Variants in HSPG2 observed in about 807,000 individuals in gnomAD.
HSPG2 encodes the protein heparan sulfate proteoglycan 2.
HSPG2 carries 278 observed loss-of-function variants against 526.6 expected under a neutral mutation model. That is an observed-to-expected ratio of 0.53 (90% confidence interval 0.48 to 0.58). The LOEUF (loss-of-function observed/expected upper bound fraction) is 0.58, where lower values mean the gene tolerates loss of function less well. Ranked by LOEUF, HSPG2 falls within the 20% of genes least tolerant of loss-of-function variation. HSPG2 has a pLI of 0.00. For missense variants in HSPG2, 5,354 were observed against 6,099.5 expected (o/e 0.88, Z 4.07); for synonymous variants, 2,465 against 2,555.4 (o/e 0.96, Z 1.07).
chr1:21,870,847 C>A, intron 33 of HSPG2: 2 of 986,212 alleles, frequency 2.0e-6, no homozygotes, highest in East Asian at 1.1e-4. Flanking sequence ...GTGAGCCCGG[C>A]GCATCCGCGC....
intron 14 of HSPG2, 98 bp downstream of exon 14, chr1:21,881,241 C>G: frequency 1.4e-6 from 2 of 1,430,150 alleles, no homozygotes; most frequent in Non-Finnish European, 2.0e-6. Context: ...ATGGTAACAC[C>G]TTTCCCTCCA....
Position 21,859,948 on chromosome 1 carries a change from T to C in HSPG2, c.5069A>G (p.Gln1690Arg). The C allele has an allele frequency of 1.9e-6, 3 of 1,610,726 alleles. No individual in the cohort carries two copies. Among genetic ancestry groups the C allele is most frequent in the Non-Finnish European group, 1.7e-6 (2 of 1,179,436 alleles). ...EVHPARSIVP[Q>R]GGSHSLRCQV... Reference sequence around the variant, plus strand: ...ACACCGCAGGGAGTGGGAGCCACCTTGGGGCACTATGCTTCGAGCAGGATG... The same window carrying C: ...ACACCGCAGGGAGTGGGAGCCACCTCGGGGCACTATGCTTCGAGCAGGATG... The change falls in exon 41 of 97, where the codon CAA (glutamine) becomes CGA (arginine). Residue 1690 changes from glutamine (Q) to arginine (R), a missense_variant. Transcript: ENST00000374695. This position sits in a 1 kb window ranked among gnomAD's most constrained non-coding sequence, Gnocchi z 5.3.
intron 45 of HSPG2, 44 bp from the exon 46 acceptor site, chr1:21,855,719 A>T (rs1193678806): frequency 6.3e-7 from 1 of 1,598,098 alleles, no homozygotes; most frequent in Admixed American, 1.7e-5. Flanking sequence ...GCCTGCTCAG[A>T]GTCCTGCCCC....
chr1:21,836,388 C>A (rs2098026300), intron 75 of HSPG2, among the ~76,000 whole-genome samples: 1 of 152,212 alleles, frequency 6.6e-6, no homozygotes, highest in African/African-American at 2.4e-5. Flanking sequence ...ATGGTGCGAT[C>A]TTGGCTCACT....
chr1:21,830,784 G>A (rs2097999945), intron 85 of HSPG2, 198 bp downstream of exon 85: 1 of 599,730 alleles, frequency 1.7e-6, no homozygotes, highest in African/African-American at 1.8e-5. Context: ...GGCTGGAGGA[G>A]GGGAAGCAGC....
At chr1:21,871,559 G>A (rs1250087130) in intron 33 of HSPG2, among the ~76,000 whole-genome samples, 2 of 152,180 alleles carry the variant, frequency 1.3e-5, no homozygotes, top group African/African-American at 2.4e-5. Context: ...CTGGCCTTTG[G>A]CAGAGCATTT....
At chr1:21,930,232 G>A (rs6697265) in intron 1 of HSPG2, among the ~76,000 whole-genome samples, 62 of 152,100 alleles carry the variant, frequency 4.1e-4, no homozygotes, top group African/African-American at 1.4e-3. Context: ...TGATATCTGC[G>A]AGGCTCACCC....
chr1:21,841,637 G>A lies in HSPG2; in HGVS notation c.9230C>T (p.Thr3077Ile). The A allele has an allele frequency of 2.5e-6, 4 of 1,614,174 alleles. No individual in the cohort carries two copies. Among genetic ancestry groups the A allele is most frequent in the Non-Finnish European group, 3.4e-6 (4 of 1,180,024 alleles). Residue 3077 changes from threonine (T) to isoleucine (I), a missense_variant, in exon 70 of 97, where the codon ACC (threonine) becomes ATC (isoleucine). Transcript: ENST00000374695. ...GTTGCTGGGCCGGGTGCCCACGATG[G>A]TGATGATGGAGCCATTGGGACTGAT... ...VHISPNGSII[T>I]IVGTRPSNHG...
rs2097991770 is a variant in HSPG2 at position 21,829,368 on chromosome 1, G to C, written c.11992+15C>G. ...CTTGGTGTGCAGAGCCCCGCATTTG[G>C]TGCTGGGTGCTTACCTGACCCCAAC... On this transcript the variant is annotated intron_variant, in intron 87 of 96. Transcript: ENST00000374695. 2.5e-6 allele frequency: 4 copies of C among 1,611,554 alleles called. No homozygotes were observed. Among genetic ancestry groups the C allele is most frequent in the Non-Finnish European group, 3.4e-6 (4 of 1,178,410 alleles).
rs1642050081 is a variant in HSPG2 at position 21,887,864 on chromosome 1, C to T, written c.703+74G>A. On this transcript the variant is annotated intron_variant, in intron 7 of 96. Coordinates refer to ENST00000374695, the MANE Select transcript of HSPG2 (RefSeq NM_005529.7). The surrounding 1 kb of genome is among the most constrained non-coding windows in gnomAD (Gnocchi z 5.0). ...CCAAACCCTCATAGTCCTTGATGGG[C>T]TCCAAGACCCAGGTGTAGGACCCTG... 4.4e-6 allele frequency: 7 copies of T among 1,608,108 alleles called. No homozygotes were observed. In the South Asian group the frequency reaches 7.7e-5, roughly 18 times the overall value.
chr1:21,932,448 C>G (rs554771519), intron 1 of HSPG2, among the ~76,000 whole-genome samples: 1 of 152,146 alleles, frequency 6.6e-6, no homozygotes, highest in Non-Finnish European at 1.5e-5. Flanking sequence ...TTAAAACATT[C>G]GACAAAGATA....
At position 21,875,897 on chromosome 1, in the gene HSPG2, C is replaced by T. The variant is rs141501390; in HGVS notation, c.3149G>A (p.Gly1050Asp). 2 of 1,614,122 alleles carry T rather than the reference C, an allele frequency of 1.2e-6. No homozygotes were observed. Among genetic ancestry groups the T allele is most frequent in the Non-Finnish European group, 1.7e-6 (2 of 1,180,044 alleles). Residue 1050 changes from glycine to aspartate, a missense_variant, in exon 24 of 97, where the codon GGC becomes GAC. By Grantham distance (94) the Gly-to-Asp change is moderately conservative. Coordinates refer to ENST00000374695, the MANE Select transcript of HSPG2 (RefSeq NM_005529.7). Reference protein sequence around the residue: ...EHHVAQEPSPGQPSTFIVPFR... With the variant: ...EHHVAQEPSPDQPSTFIVPFR... ...AGGCACAATGAAGGTGCTGGGCTGG[C>T]CGGGGCTGGGCTCCTGGGCCACATG... is the stretch of plus-strand genomic sequence containing the variant.
At chr1:21,877,740 C>T (rs530539969) in intron 21 of HSPG2, among the ~76,000 whole-genome samples, 2 of 152,194 alleles carry the variant, frequency 1.3e-5, no homozygotes, top group South Asian at 4.2e-4. Flanking sequence ...TCAAGTGATC[C>T]ACCCACCTCA....
chr1:21,835,033 G>C, intron 76 of HSPG2, 88 bp from the exon 77 acceptor site: 2 of 1,429,618 alleles, frequency 1.4e-6, no homozygotes, highest in Non-Finnish European at 1.9e-6. Context: ...GGAAAGGTGA[G>C]CACTGAAGCT....
In HSPG2 at chr1:21,839,327, T is replaced by A; in HGVS notation, c.9889+44A>T. ...GTGGGGTGGAGCCTAGTCGGGGGGC[T>A]CAGATCTCCATTTGGTGCAGACAAA... On this transcript the variant is annotated intron_variant, in intron 73 of 96. Transcript: ENST00000374695. The surrounding 1 kb of genome is among the most constrained non-coding windows in gnomAD (Gnocchi z 4.5). 1 of 1,596,438 alleles carries A rather than the reference T, an allele frequency of 6.3e-7. No homozygotes were observed. Among genetic ancestry groups the A allele is most frequent in the Non-Finnish European group, 8.5e-7 (1 of 1,173,088 alleles).
chr1:21,835,431 C>G (rs1349304761), intron 76 of HSPG2, 109 bp downstream of exon 76: 1 of 768,564 alleles, frequency 1.3e-6, no homozygotes, highest in Non-Finnish European at 2.3e-6. Context: ...TCTCTTTATT[C>G]TGACACATTT....
Position 21,878,572 on chromosome 1 carries a change from C to T in HSPG2, c.2558+5G>A. On this transcript the variant is annotated splice_donor_5th_base_variant and intron_variant, in intron 19 of 96. Coordinates refer to ENST00000374695, the MANE Select transcript of HSPG2 (RefSeq NM_005529.7). ...CTTCCTGCAGCCCCCAAGGCTCTCC[C>T]TCACCTCTCACAGCGGCGGCCAGTG... The T allele has an allele frequency of 1.2e-6, 2 of 1,614,156 alleles. No individual in the cohort carries two copies. Among genetic ancestry groups the T allele is most frequent in the Non-Finnish European group, 1.7e-6 (2 of 1,180,020 alleles).
At chr1:21,831,825 G>A in intron 81 of HSPG2, 29 bp from the exon 82 acceptor site, 1 of 1,578,292 alleles carries the variant, frequency 6.3e-7, no homozygotes, top group Non-Finnish European at 8.6e-7. Context: ...CGGGGCAGGA[G>A]AGAGTGGATA....
intron 1 of HSPG2, 81 bp from the exon 2 acceptor site, chr1:21,896,391 G>A: frequency 1.3e-6 from 2 of 1,537,786 alleles, no homozygotes; most frequent in Non-Finnish European, 8.9e-7. Flanking sequence ...CTTCCAGGGG[G>A]ACCCAGAATC....
Sources: allele counts gnomAD v4.1 joint callset (sites outside exome capture counted in the v4.1 genomes callset), GRCh38; gene constraint gnomAD v4.1.1; non-coding constraint Gnocchi (gnomAD v3.1); transcripts MANE v1.5; gene names NCBI Gene and HGNC (gene_info 2026-07-23, HGNC 2026-07-21).